The following NECAB1 variants were observed in gnomAD, a reference collection of about 807,000 sequenced individuals.
NECAB1 encodes N-terminal EF-hand calcium-binding protein 1.
In NECAB1, 29 loss-of-function variants were observed where a neutral mutation model predicts 57.5. The observed-to-expected ratio is 0.50, with a 90% CI of 0.38 to 0.69. NECAB1 has a LOEUF of 0.69. NECAB1 is among the 30% of genes least tolerant of loss of function. NECAB1 has a pLI of 0.00. For synonymous variants in NECAB1, 142 were observed against 147.7 expected, an observed-to-expected ratio of 0.96 and a Z score of 0.28; for missense variants, 372 against 413.8, an observed-to-expected ratio of 0.90 and a Z score of 0.88.
rs1811088919 is a variant in NECAB1, at chr8:90,959,162, A to C, written c.*3650A>C. 2.1e-6 allele frequency: 1 copy of C among 479,942 alleles called. No homozygotes were observed. The highest frequency in any genetic ancestry group is 2.0e-5 in the African/African-American group (1 of 48,794). 29.7% of individuals were successfully genotyped at this position (479,942 alleles called of 1,614,324 possible). A position where few individuals can be genotyped will look rare whatever the true frequency, so the allele number is the denominator to read the frequency against. On this transcript the variant is annotated 3_prime_UTR_variant, in exon 13 of 13. Coordinates refer to ENST00000417640, the MANE Select transcript of NECAB1 (RefSeq NM_022351.5). ...AATGCATGTTACCATAGAAACTATT[A>C]AAGTAACTAGAACTGTCAAATAACA...
chr8:90,943,600 G>A (rs1455372986), intron 10 of NECAB1, among the ~76,000 whole-genome samples: 1 of 152,166 alleles, frequency 6.6e-6, no homozygotes, highest in African/African-American at 2.4e-5. Flanking sequence ...CAGCACAATT[G>A]CCTAGTGCTT....
At chr8:90,955,430 T>C (rs2677572) in intron 12 of NECAB1, 57 bp from the exon 13 acceptor site, 573,988 of 1,300,082 alleles carry the variant, frequency 0.44, 136,374 homozygotes, top group African/African-American at 0.81. Flanking sequence ...GCACCTTGAA[T>C]GTTCTTTGCC....
chr8:90,815,052 C>T (rs1314266691), intron 2 of NECAB1, among the ~76,000 whole-genome samples: 3 of 152,028 alleles, frequency 2.0e-5, no homozygotes, highest in Non-Finnish European at 2.9e-5. Context: ...ATGGATCGTT[C>T]TAGACTCCTG....
At chr8:90,898,565 T>C (rs1809419834) in intron 5 of NECAB1, among the ~76,000 whole-genome samples, 1 of 152,210 alleles carries the variant, frequency 6.6e-6, no homozygotes, top group Admixed American at 6.5e-5. Context: ...GCTTGGACTG[T>C]GCTTCCTATT....
intron 3 of NECAB1, among the ~76,000 whole-genome samples, chr8:90,854,564 G>A (rs1329810973): frequency 6.6e-6 from 1 of 152,180 alleles, no homozygotes; most frequent in Non-Finnish European, 1.5e-5. Context: ...ATAACTGGGA[G>A]ACTTCAATAT....
At chr8:90,860,188 C>A (rs1812870577) in intron 3 of NECAB1, among the ~76,000 whole-genome samples, 3 of 151,786 alleles carry the variant, frequency 2.0e-5, no homozygotes, top group East Asian at 3.9e-4. Flanking sequence ...AATGAGAATT[C>A]TCAGGAGGGT....
At chr8:90,918,720 C>T (rs1418282530) in intron 6 of NECAB1, among the ~76,000 whole-genome samples, 1 of 152,106 alleles carries the variant, frequency 6.6e-6, no homozygotes, top group Non-Finnish European at 1.5e-5. Context: ...GTCTCACCCA[C>T]CTCCTGTTAC....
At chr8:90,931,265 G>C (rs1810398718) in intron 8 of NECAB1, among the ~76,000 whole-genome samples, 1 of 152,124 alleles carries the variant, frequency 6.6e-6, no homozygotes, top group African/African-American at 2.4e-5. Context: ...GTGCTGATTA[G>C]GTTTTTAGAG....
In NECAB1 at chr8:90,814,774, C is replaced by T. The variant is rs574901603; in HGVS notation, c.125-9943C>T. Among the ~76,000 whole-genome samples, 4 of 152,042 alleles carry T rather than the reference C, an allele frequency of 2.6e-5. No homozygotes were observed. The South Asian group carries it at 8.3e-4, about 32-fold the overall frequency. On this transcript the variant is annotated intron_variant, in intron 2 of 12. Coordinates refer to ENST00000417640, the MANE Select transcript of NECAB1 (RefSeq NM_022351.5). ...CATCTTTTATAATCTCTACTCCAGT[C>T]CTAGAAAAAATTATTTCTCTGAGGA...
intron 8 of NECAB1, among the ~76,000 whole-genome samples, chr8:90,931,939 AAAAC>A (rs1229610686): frequency 6.6e-6 from 1 of 151,210 alleles, no homozygotes; most frequent in Non-Finnish European, 1.5e-5. Flanking sequence ...ACAAAAATAA[AAAAC>A]AAAAAAAAAC....
chr8:90,840,769 GT>G (rs1471953872), intron 3 of NECAB1, among the ~76,000 whole-genome samples: 4 of 152,060 alleles, frequency 2.6e-5, no homozygotes, highest in Admixed American at 2.6e-4. Flanking sequence ...CGGCTCTTGG[GT>G]TCACAACGGG....
intron 5 of NECAB1, among the ~76,000 whole-genome samples, chr8:90,894,807 G>A (rs1809282617): frequency 1.3e-5 from 2 of 152,158 alleles, no homozygotes; most frequent in African/African-American, 4.8e-5. Context: ...AATAATCTAA[G>A]TAAAAATTTG....
intron 7 of NECAB1, 101 bp downstream of exon 7, chr8:90,925,757 A>G (rs1810250495): frequency 1.4e-6 from 2 of 1,458,822 alleles, no homozygotes; most frequent in African/African-American, 2.8e-5. Context: ...TAGTAATGGA[A>G]CACTTTCCTT....
chr8:90,850,132 A>G (rs768494697), intron 3 of NECAB1, among the ~76,000 whole-genome samples: 1 of 151,782 alleles, frequency 6.6e-6, no homozygotes, highest in African/African-American at 2.4e-5. Context: ...CAAGGAACAG[A>G]GAGAGAGATA....
intron 1 of NECAB1, among the ~76,000 whole-genome samples, chr8:90,792,820 T>C (rs937740): frequency 0.51 from 77,699 of 152,002 alleles, 22,773 homozygotes; most frequent in East Asian, 0.87. Context: ...TGTTTCTGTT[T>C]TCTCTATTTT....
intron 6 of NECAB1, among the ~76,000 whole-genome samples, chr8:90,918,633 T>C (rs1810033553): frequency 6.6e-6 from 1 of 152,188 alleles, no homozygotes; most frequent in South Asian, 2.1e-4. Context: ...TGAAAAAGCC[T>C]GGTGGGAAGA....
At chr8:90,859,719 T>C (rs1812861141) in intron 3 of NECAB1, among the ~76,000 whole-genome samples, 1 of 152,170 alleles carries the variant, frequency 6.6e-6, no homozygotes, top group Admixed American at 6.5e-5. Flanking sequence ...CAAAAAATCG[T>C]AAACATTAGT....
intron 5 of NECAB1, among the ~76,000 whole-genome samples, chr8:90,900,822 C>T (rs955489775): frequency 4.6e-5 from 7 of 152,052 alleles, no homozygotes; most frequent in Non-Finnish European, 8.8e-5. Context: ...TTATATGACC[C>T]CAAGCCTGGG....
intron 8 of NECAB1, among the ~76,000 whole-genome samples, chr8:90,933,380 G>A (rs1042603652): frequency 3.3e-5 from 5 of 152,118 alleles, no homozygotes; most frequent in Admixed American, 6.6e-5. Flanking sequence ...TATGTACGAT[G>A]GAATACTACT....
Sources: gnomAD v4.1 joint callset for allele counts (sites outside exome capture counted in the v4.1 genomes callset) on GRCh38, gnomAD v4.1.1 for gene constraint, MANE v1.5 for transcripts, NCBI Gene and HGNC (gene_info 2026-07-23, HGNC 2026-07-21) for gene names.